ZFAND3: variants seen among roughly 807,000 people sequenced by gnomAD.
The protein encoded by ZFAND3 is zinc finger AN1-type containing 3.
In ZFAND3, 10 loss-of-function variants were observed where a neutral mutation model predicts 29.6. The observed-to-expected ratio is 0.34, with a 90% CI of 0.21 to 0.57. ZFAND3 has a LOEUF of 0.57. Ranked by LOEUF, ZFAND3 falls within the 20% of genes least tolerant of loss-of-function variation. The pLI is 0.86. For synonymous variants in ZFAND3, 128 were observed against 112.6 expected (o/e 1.14, Z -0.87); for missense variants, 230 against 304.5 (o/e 0.76, Z 1.82).
At chr6:38,071,652 A>G (rs927097394) in intron 3 of ZFAND3, among the ~76,000 whole-genome samples, 1 of 152,130 alleles carries the variant, frequency 6.6e-6, no homozygotes, top group Non-Finnish European at 1.5e-5. Flanking sequence ...TTGACATTTT[A>G]ATAAACTTTT....
intron 1 of ZFAND3, among the ~76,000 whole-genome samples, chr6:37,877,164 G>A (rs1764809496): frequency 6.6e-6 from 1 of 152,156 alleles, no homozygotes; most frequent in South Asian, 2.1e-4. Context: ...GTGATTTATT[G>A]TTTATCCTGA....
At chr6:37,924,301 CTACT>C (rs1197600044) in intron 1 of ZFAND3, among the ~76,000 whole-genome samples, 1 of 140,036 alleles carries the variant, frequency 7.1e-6, no homozygotes, top group Non-Finnish European at 1.5e-5. Context: ...TTTCAAATAT[CTACT>C]TAAGTGCTTT....
intron 2 of ZFAND3, among the ~76,000 whole-genome samples, chr6:38,036,400 G>GA (rs1388426189): frequency 1.3e-5 from 2 of 152,182 alleles, no homozygotes; most frequent in East Asian, 3.9e-4. Flanking sequence ...TAGGATAGGA[G>GA]AGGAGGATAG....
chr6:38,025,095 CTAG>C (rs1193160648), intron 2 of ZFAND3, among the ~76,000 whole-genome samples: 1 of 152,152 alleles, frequency 6.6e-6, no homozygotes, highest in Non-Finnish European at 1.5e-5. Flanking sequence ...TTTCACATGT[CTAG>C]TAGATGTTAA....
At chr6:37,958,545 C>T (rs552863585) in intron 2 of ZFAND3, among the ~76,000 whole-genome samples, 22 of 151,896 alleles carry the variant, frequency 1.4e-4, no homozygotes, top group South Asian at 2.1e-4. Flanking sequence ...GTATTTCTGC[C>T]GTCACTCTAA....
chr6:37,841,935 T>C (rs1285315506), intron 1 of ZFAND3, among the ~76,000 whole-genome samples: 1 of 152,196 alleles, frequency 6.6e-6, no homozygotes, highest in African/African-American at 2.4e-5. Flanking sequence ...AGTGTAAATT[T>C]ATTGCTCATA....
chr6:37,957,829 C>G (rs1762110494), intron 2 of ZFAND3, among the ~76,000 whole-genome samples: 1 of 152,122 alleles, frequency 6.6e-6, no homozygotes, highest in South Asian at 2.1e-4. Flanking sequence ...CAGCAGGACC[C>G]TGGTAAATAT....
intron 1 of ZFAND3, among the ~76,000 whole-genome samples, chr6:37,834,984 T>A (rs950072779): frequency 1.3e-5 from 2 of 152,164 alleles, no homozygotes; most frequent in Non-Finnish European, 2.9e-5. Flanking sequence ...ACTTTCATTT[T>A]GGTTGTATAA....
intron 2 of ZFAND3, among the ~76,000 whole-genome samples, chr6:38,017,142 C>G (rs1763265538): frequency 6.6e-6 from 1 of 152,170 alleles, no homozygotes; most frequent in African/African-American, 2.4e-5. Context: ...TGGCAGGTGT[C>G]TACAGCCAAG....
rs559853673 is a variant in ZFAND3 at position 38,047,648 on chromosome 6, A to G, written c.113-13945A>G. On this transcript the variant is annotated intron_variant, in intron 2 of 5. Transcript: ENST00000287218. ...ACTTCTTTTAGCCAATAAAATGTTA[A>G]TGAAAAATTTATTTGGCTTTTATGA... Among the ~76,000 whole-genome samples, 235 of 152,288 alleles carry G rather than the reference A, an allele frequency of 1.5e-3. 1 individual carries two copies. Among genetic ancestry groups the G allele is most frequent in the African/African-American group, 5.4e-3 (224 of 41,556 alleles).
At chr6:38,124,319 A>T (rs11757980) in intron 5 of ZFAND3, among the ~76,000 whole-genome samples, 10,380 of 152,294 alleles carry the variant, frequency 0.068, 425 homozygotes, top group Non-Finnish European at 0.087. Context: ...GTCCCGCGCC[A>T]TGCGCCCGCA....
intron 1 of ZFAND3, among the ~76,000 whole-genome samples, chr6:37,832,293 A>G (rs1763877220): frequency 6.6e-6 from 1 of 152,160 alleles, no homozygotes; most frequent in African/African-American, 2.4e-5. Context: ...AAAGGAGAAG[A>G]GAGGCAGCAG....
intron 1 of ZFAND3, among the ~76,000 whole-genome samples, chr6:37,841,762 C>A (rs1309083555): frequency 6.6e-6 from 1 of 152,174 alleles, no homozygotes; most frequent in Non-Finnish European, 1.5e-5. Flanking sequence ...GGATTACAGG[C>A]GTGAGCCACC....
chr6:37,907,174 T>C lies in ZFAND3; in HGVS notation c.72-22785T>C, dbSNP rs561237563. Among the ~76,000 whole-genome samples, 28 of 152,212 alleles carry C rather than the reference T, an allele frequency of 1.8e-4. No individual in the cohort carries two copies. In the South Asian group the frequency reaches 5.4e-3, roughly 29 times the overall value. On this transcript the variant is annotated intron_variant, in intron 1 of 5. Coordinates refer to ENST00000287218, the MANE Select transcript of ZFAND3 (RefSeq NM_021943.3). Reference sequence around the variant, plus strand: ...ATCAGATTTATTCCTTTCCAAAATATCATTGATTTTTTTTCAGATCATAGA... The same window carrying C: ...ATCAGATTTATTCCTTTCCAAAATACCATTGATTTTTTTTCAGATCATAGA...
intron 5 of ZFAND3, among the ~76,000 whole-genome samples, chr6:38,117,498 T>C (rs865856161): frequency 3.3e-5 from 5 of 152,322 alleles, no homozygotes; most frequent in Middle Eastern, 3.4e-3. Context: ...TCATGACACA[T>C]AGGAACGAAA....
At position 38,153,201 on chromosome 6, in the gene ZFAND3, A is replaced by G; in HGVS notation, c.*812A>G. 2 of 985,484 alleles carry G rather than the reference A, an allele frequency of 2.0e-6. No homozygotes were observed. Among genetic ancestry groups the G allele is most frequent in the Non-Finnish European group, 2.4e-6 (2 of 829,928 alleles). 61.0% of individuals were successfully genotyped at this position (985,484 alleles called of 1,614,324 possible). A position where few individuals can be genotyped will look rare whatever the true frequency, so the allele number is the denominator to read the frequency against. On this transcript the variant is annotated 3_prime_UTR_variant, in exon 6 of 6. Transcript: ENST00000287218. ...ATCTGGCACGGACCAGATGTGGCGAATGGCAGCACAGCGCGGTGGCTGGGT... is the reference window on the plus strand; with the variant it reads ...ATCTGGCACGGACCAGATGTGGCGAGTGGCAGCACAGCGCGGTGGCTGGGT...
At chr6:38,105,414 A>AG (rs1562001226) in intron 4 of ZFAND3, among the ~76,000 whole-genome samples, 2 of 152,062 alleles carry the variant, frequency 1.3e-5, no homozygotes, top group African/African-American at 2.4e-5. Context: ...ATTAAAAAAA[A>AG]TTTTTTTAAT....
At chr6:38,043,535 CTCCCCTT>C (rs1367026176) in intron 2 of ZFAND3, among the ~76,000 whole-genome samples, 1 of 149,706 alleles carries the variant, frequency 6.7e-6, no homozygotes, top group Non-Finnish European at 1.5e-5. Flanking sequence ...TTTCTCCCCT[CTCCCCTT>C]TTCTCCCCTC....
chr6:37,978,367 C>T (rs940196930), intron 2 of ZFAND3, among the ~76,000 whole-genome samples: 1 of 152,150 alleles, frequency 6.6e-6, no homozygotes, highest in African/African-American at 2.4e-5. Context: ...ATCTACATTT[C>T]ATCATGGATG....
Sources: allele counts gnomAD v4.1 joint callset (sites outside exome capture counted in the v4.1 genomes callset), GRCh38; gene constraint gnomAD v4.1.1; transcripts MANE v1.5; gene names NCBI Gene and HGNC (gene_info 2026-07-23, HGNC 2026-07-21).